CACNA1C: variants seen among roughly 807,000 people sequenced by gnomAD.
CACNA1C encodes the protein calcium voltage-gated channel subunit alpha1 C.
Under a neutral mutation model 229.0 loss-of-function variants are expected in CACNA1C, and 30 were observed. The ratio of observed to expected loss-of-function variants is 0.13; its 90% CI spans 0.10 to 0.18. The LOEUF (loss-of-function observed/expected upper bound fraction) is 0.18. Ranked by LOEUF, CACNA1C falls within the 10% of genes least tolerant of loss-of-function variation. The pLI is 1.00. For missense variants in CACNA1C, 1,658 were observed against 2,845.0 expected (o/e 0.58, Z 9.49); for synonymous variants, 1,114 against 1,132.5 (o/e 0.98, Z 0.33).
intron 15 of CACNA1C, among the ~76,000 whole-genome samples, chr12:2,583,427 C>A (rs891083218): frequency 6.6e-6 from 1 of 152,238 alleles, no homozygotes; most frequent in African/African-American, 2.4e-5. Context: ...CAGAGCTGCA[C>A]AGACTTCAAA....
At chr12:2,270,678 G>A (rs2084543957) in intron 3 of CACNA1C, among the ~76,000 whole-genome samples, 1 of 152,180 alleles carries the variant, frequency 6.6e-6, no homozygotes, top group Admixed American at 6.5e-5. Flanking sequence ...AAGGTCATTG[G>A]ACTCCCTTTC....
At chr12:2,546,912 A>G (rs1436470639) in intron 9 of CACNA1C, among the ~76,000 whole-genome samples, 1 of 152,232 alleles carries the variant, frequency 6.6e-6, no homozygotes, top group Non-Finnish European at 1.5e-5. Flanking sequence ...TTCTACCTGC[A>G]GGTGACTCCA....
At chr12:1,991,502 G>A (rs2039404890) in intron 1 of CACNA1C, 1 of 235,628 alleles carries the variant, frequency 4.2e-6, no homozygotes, top group Non-Finnish European at 8.5e-6. Flanking sequence ...CCAAAATATT[G>A]TCATTTCAAC....
intron 3 of CACNA1C, among the ~76,000 whole-genome samples, chr12:2,408,196 TCA>T (rs1483435081): frequency 6.6e-6 from 1 of 152,202 alleles, no homozygotes; most frequent in African/African-American, 2.4e-5. Flanking sequence ...CTAGGCAAAT[TCA>T]CAGAGACAAA....
intron 3 of CACNA1C, among the ~76,000 whole-genome samples, chr12:2,166,523 G>T (rs1380430364): frequency 6.6e-6 from 1 of 152,178 alleles, no homozygotes. Context: ...GGCTTCTCTT[G>T]AAGTCTTGCT....
chr12:2,558,873 T>G (rs2045984504), intron 11 of CACNA1C, among the ~76,000 whole-genome samples: 1 of 152,186 alleles, frequency 6.6e-6, no homozygotes, highest in African/African-American at 2.4e-5. Context: ...AGACCTCATC[T>G]ACATAAAACA....
At chr12:1,998,141 C>T (rs1180431519) in intron 1 of CACNA1C, among the ~76,000 whole-genome samples, 1 of 152,216 alleles carries the variant, frequency 6.6e-6, no homozygotes, top group Non-Finnish European at 1.5e-5. Context: ...TCTATGTCAT[C>T]ATTGTGCCTC....
chr12:2,540,468 G>T (rs12833174), intron 9 of CACNA1C, among the ~76,000 whole-genome samples: 95,930 of 151,766 alleles, frequency 0.63, 32,257 homozygotes, highest in Non-Finnish European at 0.74. Context: ...TAGATCAGGG[G>T]TCAGCTAACT....
chr12:2,329,057 G>A lies in CACNA1C; in HGVS notation c.478-119919G>A, dbSNP rs1479033246. On this transcript the variant is annotated intron_variant, in intron 3 of 46. Transcript: ENST00000399655. ...GGCATTAACAAAATTTGCTGTGGAT[G>A]CCTCCTGGTTTTGTGATAGATAACT... is the stretch of plus-strand genomic sequence containing the variant. 2.0e-5 allele frequency among the ~76,000 whole-genome samples: 3 copies of A among 152,128 alleles called. No individual in the cohort carries two copies. In the East Asian group the frequency reaches 5.8e-4, roughly 29 times the overall value.
chr12:2,363,936 C>T (rs1466141569), intron 3 of CACNA1C, among the ~76,000 whole-genome samples: 2 of 152,204 alleles, frequency 1.3e-5, no homozygotes, highest in Admixed American at 1.3e-4. Flanking sequence ...AACTTACTGG[C>T]CGGCCTGCAG....
chr12:2,464,026 G>C (rs529880099), intron 5 of CACNA1C, among the ~76,000 whole-genome samples: 17 of 152,262 alleles, frequency 1.1e-4, no homozygotes, highest in African/African-American at 4.1e-4. Flanking sequence ...TAAGCAAGGG[G>C]TCGTTTCCTG....
At chr12:2,357,697 A>G (rs1361512480) in intron 3 of CACNA1C, among the ~76,000 whole-genome samples, 4 of 149,008 alleles carry the variant, frequency 2.7e-5, no homozygotes, top group Non-Finnish European at 5.9e-5. Flanking sequence ...TCGGCCAGGC[A>G]CAGTGGTTCA....
At chr12:2,183,026 T>G (rs1016839170) in intron 3 of CACNA1C, among the ~76,000 whole-genome samples, 1 of 152,162 alleles carries the variant, frequency 6.6e-6, no homozygotes, top group Non-Finnish European at 1.5e-5. Flanking sequence ...ATTTTGTTTT[T>G]AAAAAATTAT....
At chr12:2,196,726 C>T (rs1455688227) in intron 3 of CACNA1C, among the ~76,000 whole-genome samples, 1 of 152,212 alleles carries the variant, frequency 6.6e-6, no homozygotes, top group South Asian at 2.1e-4. Flanking sequence ...CTTTATGCAT[C>T]TTTACTCTGC....
chr12:2,379,883 T>C (rs184197187), intron 3 of CACNA1C, among the ~76,000 whole-genome samples: 1,864 of 149,746 alleles, frequency 0.012, 20 homozygotes, highest in Non-Finnish European at 0.019. Flanking sequence ...TACAAAAAAT[T>C]AGCCGGGCGT....
At chr12:2,042,894 T>C (rs1159567363) in intron 1 of CACNA1C, among the ~76,000 whole-genome samples, 1 of 152,234 alleles carries the variant, frequency 6.6e-6, no homozygotes, top group Non-Finnish European at 1.5e-5. Context: ...TGTTCTTGAT[T>C]CATCCACATA....
In CACNA1C at chr12:2,078,766, A is replaced by G. The variant is rs531343417; in HGVS notation, c.49+25155A>G. 5.8e-3 allele frequency among the ~76,000 whole-genome samples: 884 copies of G among 152,320 alleles called. 6 individuals are homozygous for G. Among genetic ancestry groups the G allele is most frequent in the Non-Finnish European group, 7.5e-3 (512 of 68,026 alleles). ...ACTAGAAATACCATTTGACCCAGCC[A>G]TCCCATTACTGGGTATATACCCAAA... is the stretch of plus-strand genomic sequence containing the variant. On this transcript the variant is annotated intron_variant, in intron 1 of 46. Coordinates refer to ENST00000399655, the MANE Select transcript of CACNA1C (RefSeq NM_000719.7).
intron 3 of CACNA1C, among the ~76,000 whole-genome samples, chr12:2,388,004 T>A (rs142310510): frequency 7.1e-4 from 108 of 151,956 alleles, no homozygotes; most frequent in Non-Finnish European, 1.2e-3. Flanking sequence ...AAGCCTTGAG[T>A]AGGGAAGAGG....
chr12:2,565,727 C>T (rs75184661), intron 11 of CACNA1C, among the ~76,000 whole-genome samples: 11,268 of 152,200 alleles, frequency 0.074, 487 homozygotes, highest in African/African-American at 0.11. Context: ...GGCATGTGCC[C>T]ATTTTTCTGA....
Sources: allele counts gnomAD v4.1 joint callset (sites outside exome capture counted in the v4.1 genomes callset), GRCh38; gene constraint gnomAD v4.1.1; transcripts MANE v1.5; gene names NCBI Gene and HGNC (gene_info 2026-07-23, HGNC 2026-07-21).